CFAP97D2: variants seen among roughly 807,000 people sequenced by gnomAD.
CFAP97D2 encodes CFAP97 domain containing 2, also known as uncharacterized protein CFAP97D2.
At chr13:114,180,388 C>T (rs1243425141) in intron 1 of CFAP97D2, among the ~76,000 whole-genome samples, 2 of 152,174 alleles carry the variant, frequency 1.3e-5, no homozygotes, top group Non-Finnish European at 2.9e-5. Flanking sequence ...AGCCCCCACC[C>T]CACGTCAGGC....
In CFAP97D2 at chr13:114,211,529, C is replaced by T. The variant is rs889608739; in HGVS notation, c.291-383C>T. Among the ~76,000 whole-genome samples, 5 of 151,856 alleles carry T rather than the reference C, an allele frequency of 3.3e-5. No homozygotes were observed. Among genetic ancestry groups the T allele is most frequent in the African/African-American group, 4.8e-5 (2 of 41,306 alleles). ...CCTCCCCGCCTGGGACCCTGCTCTC[C>T]GCCATGGGTGCCCGGGTGCTCGCCC... On this transcript the variant is annotated intron_variant, in intron 3 of 4. Coordinates refer to ENST00000646158, the Ensembl canonical transcript of CFAP97D2. This position sits in a 1 kb window ranked among gnomAD's most constrained non-coding sequence, Gnocchi z 4.2.
At chr13:114,213,854 G>A (rs1223518070) in intron 4 of CFAP97D2, among the ~76,000 whole-genome samples, 2 of 84,214 alleles carry the variant, frequency 2.4e-5, no homozygotes, top group Non-Finnish European at 4.5e-5. Context: ...CCCACCCCTG[G>A]ACAAGCTCCA....
intron 2 of CFAP97D2, 27 bp from the exon 3 acceptor site, chr13:114,200,298 T>A (rs1457877377): frequency 2.5e-6 from 1 of 397,680 alleles, no homozygotes; most frequent in Non-Finnish European, 4.4e-6. Context: ...CTGCCGGCGC[T>A]CCTCCAGCCT....
At position 114,211,884 on chromosome 13, in the gene CFAP97D2, T is replaced by G. The variant is rs1199787158; in HGVS notation, c.291-28T>G. Reference sequence around the variant, plus strand: ...ATGGCAGCCTTAATAAAATCCAAATTTCAAAATGTGTGTGCTCTTTCGTGG... The same window carrying G: ...ATGGCAGCCTTAATAAAATCCAAATGTCAAAATGTGTGTGCTCTTTCGTGG... On this transcript the variant is annotated intron_variant, in intron 3 of 4. Coordinates refer to ENST00000646158, the Ensembl canonical transcript of CFAP97D2. This position sits in a 1 kb window ranked among gnomAD's most constrained non-coding sequence, Gnocchi z 4.2. 2.5e-6 allele frequency: 1 copy of G among 398,604 alleles called. No individual in the cohort carries two copies. Among genetic ancestry groups the G allele is most frequent in the Non-Finnish European group, 4.4e-6 (1 of 226,086 alleles). 24.7% of individuals were successfully genotyped at this position (398,604 alleles called of 1,614,324 possible).
chr13:114,183,375 C>T (rs2080844017), intron 1 of CFAP97D2, among the ~76,000 whole-genome samples: 1 of 152,058 alleles, frequency 6.6e-6, no homozygotes, highest in Non-Finnish European at 1.5e-5. Context: ...ACCATGTTGG[C>T]CAGGCTGGTC....
intron 3 of CFAP97D2, among the ~76,000 whole-genome samples, chr13:114,210,705 G>A (rs1462895371): frequency 6.6e-6 from 1 of 152,066 alleles, no homozygotes; most frequent in East Asian, 1.9e-4. Context: ...CTGAGCACCA[G>A]CCTACCAGAT....
In CFAP97D2 at chr13:114,222,501, G is replaced by C. The variant is rs775957495; in HGVS notation, c.484G>C (p.Glu162Gln). 6 of 398,464 alleles carry C rather than the reference G, an allele frequency of 1.5e-5. No homozygotes were observed. The highest frequency in any genetic ancestry group is 4.1e-5 in the African/African-American group (2 of 48,602). The allele number at this position is 398,464 out of a possible 1,614,324, so 24.7% of individuals were successfully genotyped here. Residue 162 changes from glutamate (E) to glutamine (Q), a missense_variant, in exon 5 of 5, where the codon GAA becomes CAA. Glu to Gln is a conservative substitution (Grantham distance 29). Coordinates refer to ENST00000646158, the Ensembl canonical transcript of CFAP97D2. The surrounding 1 kb of genome is among the most constrained non-coding windows in gnomAD (Gnocchi z 4.4). The stretch of plus-strand genomic sequence containing the variant: ...CAAATATGTATTTTAAATCCAGCAG[G>C]AAGTGAAACTGGATTAGCAAGCGCA...
At chr13:114,183,369 T>C (rs1156290948) in intron 1 of CFAP97D2, among the ~76,000 whole-genome samples, 3 of 152,064 alleles carry the variant, frequency 2.0e-5, no homozygotes, top group Non-Finnish European at 4.4e-5. Flanking sequence ...GGTTTCACCA[T>C]GTTGGCCAGG....
In CFAP97D2 at chr13:114,203,611, A is replaced by C. The variant is rs949974012; in HGVS notation, c.290+3168A>C. On this transcript the variant is annotated intron_variant, in intron 3 of 4. Transcript: ENST00000646158. The surrounding 1 kb of genome is among the most constrained non-coding windows in gnomAD (Gnocchi z 4.3). The stretch of plus-strand genomic sequence containing the variant: ...GGATTTTCTTGGGTGACAAGGGAAA[A>C]AAAGAAAAGAAAAAGAAAACTCAGC... Among the ~76,000 whole-genome samples, 1 of 152,230 alleles carries C rather than the reference A, an allele frequency of 6.6e-6. No individual in the cohort carries two copies. The highest frequency in any genetic ancestry group is 2.4e-5 in the African/African-American group (1 of 41,456).
rs1283380104 is a variant in CFAP97D2, at chr13:114,211,165, G to C, written c.291-747G>C. On this transcript the variant is annotated intron_variant, in intron 3 of 4. Transcript: ENST00000646158. This position sits in a 1 kb window ranked among gnomAD's most constrained non-coding sequence, Gnocchi z 4.2. ...GGTTCTTTACTTCGTGCTCCTCTGT[G>C]CTCCACAGCCAGGGTCAAACCCCTA... Among the ~76,000 whole-genome samples, 1 of 152,108 alleles carries C rather than the reference G, an allele frequency of 6.6e-6. No homozygotes were observed. The highest frequency in any genetic ancestry group is 1.5e-5 in the Non-Finnish European group (1 of 68,028).
At chr13:114,181,173 G>A (rs1054641249) in intron 1 of CFAP97D2, among the ~76,000 whole-genome samples, 2 of 152,232 alleles carry the variant, frequency 1.3e-5, no homozygotes, top group Non-Finnish European at 2.9e-5. Context: ...ATGAAGTGAA[G>A]ACAGAGAACC....
chr13:114,180,135 G>A (rs1004835889), intron 1 of CFAP97D2, among the ~76,000 whole-genome samples: 2 of 152,250 alleles, frequency 1.3e-5, no homozygotes, highest in East Asian at 1.9e-4. Flanking sequence ...CAGTGGAGGC[G>A]TCAGAGAACG....
At chr13:114,198,560 T>G (rs961920541) in intron 2 of CFAP97D2, among the ~76,000 whole-genome samples, 3 of 152,272 alleles carry the variant, frequency 2.0e-5, no homozygotes, top group Non-Finnish European at 4.4e-5. Context: ...GTGCCTCGCC[T>G]CAGTGTTACT....
chr13:114,180,726 A>G (rs950639654), intron 1 of CFAP97D2, among the ~76,000 whole-genome samples: 27 of 152,204 alleles, frequency 1.8e-4, no homozygotes, highest in African/African-American at 6.3e-4. Flanking sequence ...GCAATAGCAC[A>G]TATGAATCAG....
At chr13:114,190,890 T>C (rs1297800673) in intron 1 of CFAP97D2, among the ~76,000 whole-genome samples, 1 of 152,206 alleles carries the variant, frequency 6.6e-6, no homozygotes, top group African/African-American at 2.4e-5. Flanking sequence ...TTAAAAGCTA[T>C]GATCATCAAC....
At position 114,203,074 on chromosome 13, in the gene CFAP97D2, A is replaced by C. The variant is rs1162016391; in HGVS notation, c.290+2631A>C. Among the ~76,000 whole-genome samples the C allele has an allele frequency of 6.6e-6, 1 of 152,236 alleles. No homozygotes were observed. The highest frequency in any genetic ancestry group is 1.5e-5 in the Non-Finnish European group (1 of 68,044). On this transcript the variant is annotated intron_variant, in intron 3 of 4. Transcript: ENST00000646158. The surrounding 1 kb of genome is among the most constrained non-coding windows in gnomAD (Gnocchi z 4.3). ...TTGCAACAGAATTTAGAAAAGTGCAAGCCTCACTGGACATGAAAATAAAAG... is the reference window on the plus strand; with the variant it reads ...TTGCAACAGAATTTAGAAAAGTGCACGCCTCACTGGACATGAAAATAAAAG...
At chr13:114,210,088 A>G (rs2080960279) in intron 3 of CFAP97D2, among the ~76,000 whole-genome samples, 1 of 152,086 alleles carries the variant, frequency 6.6e-6, no homozygotes, top group African/African-American at 2.4e-5. Context: ...CATTTTGTAT[A>G]TTTTTGTATA....
At position 114,207,984 on chromosome 13, in the gene CFAP97D2, T is replaced by C. The variant is rs1594520213; in HGVS notation, c.291-3928T>C. Among the ~76,000 whole-genome samples, 1 of 152,240 alleles carries C rather than the reference T, an allele frequency of 6.6e-6. No individual in the cohort carries two copies. On this transcript the variant is annotated intron_variant, in intron 3 of 4. Transcript: ENST00000646158. This position sits in a 1 kb window ranked among gnomAD's most constrained non-coding sequence, Gnocchi z 4.9. ...TCTGTAATCAATGCATCTCCTTGGGTCACTCGGCAGTTTCAACATTCCATG... is the reference window on the plus strand; with the variant it reads ...TCTGTAATCAATGCATCTCCTTGGGCCACTCGGCAGTTTCAACATTCCATG...
At chr13:114,210,885 C>CAT (rs781553760) in intron 3 of CFAP97D2, among the ~76,000 whole-genome samples, 72 of 151,924 alleles carry the variant, frequency 4.7e-4, no homozygotes, top group Non-Finnish European at 5.0e-4. Flanking sequence ...CACACACACA[C>CAT]ACACACTTTA....
Sources: allele counts gnomAD v4.1 joint callset (sites outside exome capture counted in the v4.1 genomes callset), GRCh38; gene constraint gnomAD v4.1.1; non-coding constraint Gnocchi (gnomAD v3.1); transcripts MANE v1.5; gene names NCBI Gene and HGNC (gene_info 2026-07-23, HGNC 2026-07-21).